Variants in CLCN3 observed in about 807,000 individuals in gnomAD.
CLCN3 encodes H(+)/Cl(-) exchange transporter 3.
In CLCN3, 16 loss-of-function variants were observed where a neutral mutation model predicts 83.4. The observed-to-expected ratio is 0.19, with a 90% CI of 0.13 to 0.29. The LOEUF is 0.29. Ranked by LOEUF, CLCN3 falls within the 10% of genes least tolerant of loss-of-function variation. CLCN3 has a pLI of 1.00. For missense variants in CLCN3, 544 were observed against 1,006.0 expected (o/e 0.54, Z 6.21); for synonymous variants, 322 against 346.2 (o/e 0.93, Z 0.78).
intron 1 of CLCN3, among the ~76,000 whole-genome samples, chr4:169,632,152 C>T (rs1201779487): frequency 1.3e-5 from 2 of 151,610 alleles, no homozygotes; most frequent in Non-Finnish European, 2.9e-5. Flanking sequence ...ATGTAAAAAC[C>T]TTCAACAAAA....
At chr4:169,636,223 A>G in intron 2 of CLCN3, 135 bp downstream of exon 2, 1 of 768,872 alleles carries the variant, frequency 1.3e-6, no homozygotes, top group Non-Finnish European at 2.0e-6. Context: ...AAACTTAACC[A>G]TTGTAAAGTG....
intron 2 of CLCN3, chr4:169,642,960 A>G (rs1007442257): frequency 3.3e-5 from 5 of 152,230 alleles, no homozygotes; most frequent in Non-Finnish European, 7.3e-5. Context: ...ATTTTAGACT[A>G]TCTTCGAATA....
At chr4:169,698,453 GGGT>G (rs1732653401) in intron 9 of CLCN3, among the ~76,000 whole-genome samples, 1 of 151,924 alleles carries the variant, frequency 6.6e-6, no homozygotes, top group Non-Finnish European at 1.5e-5. Flanking sequence ...TGGTTTTCTA[GGGT>G]GGTGGCCTCA....
intron 9 of CLCN3, among the ~76,000 whole-genome samples, chr4:169,701,080 A>G (rs1264217664): frequency 6.6e-6 from 1 of 152,210 alleles, no homozygotes; most frequent in African/African-American, 2.4e-5. Flanking sequence ...CATTTTACCT[A>G]CAGTAGACCT....
At chr4:169,632,986 G>A (rs901384231) in intron 1 of CLCN3, among the ~76,000 whole-genome samples, 1 of 152,062 alleles carries the variant, frequency 6.6e-6, no homozygotes, top group Non-Finnish European at 1.5e-5. Context: ...CCTTATTACT[G>A]GAAGTTTTCA....
chr4:169,631,895 C>T (rs1049143064), intron 1 of CLCN3, among the ~76,000 whole-genome samples: 1 of 152,092 alleles, frequency 6.6e-6, no homozygotes, highest in African/African-American at 2.4e-5. Context: ...CTGAACAGAC[C>T]AATATCGAGT....
rs902313459 is a variant in CLCN3 at position 169,722,622 on chromosome 4, T to C, written c.*2625T>C. The C allele has an allele frequency of 6.6e-6, 1 of 152,218 alleles. No homozygotes were observed. Among genetic ancestry groups the C allele is most frequent in the African/African-American group, 2.4e-5 (1 of 41,458 alleles). 9.4% of individuals were successfully genotyped at this position (152,218 alleles called of 1,614,324 possible). A position where few individuals can be genotyped will look rare whatever the true frequency, so the allele number is the denominator to read the frequency against. ...TGGAGTTTATTTTATCATATTTCCC[T>C]TTTTTATTTCTGCTCCTCCTTTAAT... On this transcript the variant is annotated 3_prime_UTR_variant, in exon 13 of 13. Transcript: ENST00000513761.
chr4:169,664,595 C>G (rs867013680), intron 2 of CLCN3, among the ~76,000 whole-genome samples: 2 of 152,124 alleles, frequency 1.3e-5, no homozygotes, highest in Non-Finnish European at 1.5e-5. Flanking sequence ...AAAGGAACAA[C>G]TAAAGATTCT....
intron 6 of CLCN3, among the ~76,000 whole-genome samples, chr4:169,691,603 A>C (rs1267100859): frequency 6.6e-6 from 1 of 152,102 alleles, no homozygotes; most frequent in Non-Finnish European, 1.5e-5. Context: ...TTGATCTTTA[A>C]GTTTGTATTA....
intron 2 of CLCN3, among the ~76,000 whole-genome samples, chr4:169,677,688 G>A (rs541844936): frequency 4.2e-4 from 64 of 152,228 alleles, no homozygotes; most frequent in African/African-American, 6.3e-4. Flanking sequence ...GTTAGCTTTC[G>A]CCTTCCCAAA....
chr4:169,671,610 T>TA (rs558542444), intron 2 of CLCN3, among the ~76,000 whole-genome samples: 9 of 151,482 alleles, frequency 5.9e-5, no homozygotes, highest in African/African-American at 1.9e-4. Flanking sequence ...AACTTAAATT[T>TA]AAAAAAAAAG....
chr4:169,656,156 A>G (rs1480875257), intron 2 of CLCN3, among the ~76,000 whole-genome samples: 3 of 152,056 alleles, frequency 2.0e-5, no homozygotes, highest in African/African-American at 7.2e-5. Context: ...CCAAATGTAA[A>G]CTTAAAGCAG....
At chr4:169,698,480 C>T (rs896328261) in intron 9 of CLCN3, among the ~76,000 whole-genome samples, 2 of 151,990 alleles carry the variant, frequency 1.3e-5, no homozygotes, top group Non-Finnish European at 2.9e-5. Flanking sequence ...AATTGGATTT[C>T]TTATATTATA....
chr4:169,688,152 G>A (rs1400913847), intron 4 of CLCN3, among the ~76,000 whole-genome samples: 2 of 152,222 alleles, frequency 1.3e-5, no homozygotes, highest in Admixed American at 1.3e-4. Flanking sequence ...TGTGGTACCA[G>A]TGCTGTCATT....
chr4:169,670,595 C>T (rs186495278), intron 2 of CLCN3, among the ~76,000 whole-genome samples: 104 of 152,218 alleles, frequency 6.8e-4, no homozygotes, highest in African/African-American at 1.3e-3. Flanking sequence ...CTTGGCCATA[C>T]GGGCTCTTTT....
At chr4:169,688,457 A>C (rs552494079) in intron 4 of CLCN3, among the ~76,000 whole-genome samples, 1 of 152,306 alleles carries the variant, frequency 6.6e-6, no homozygotes, top group East Asian at 1.9e-4. Context: ...TTTTGTGGAG[A>C]ATAAAGTACT....
intron 2 of CLCN3, among the ~76,000 whole-genome samples, chr4:169,661,621 GA>G (rs1292294045): frequency 6.6e-6 from 1 of 151,960 alleles, no homozygotes; most frequent in South Asian, 2.1e-4. Flanking sequence ...TACATTTTGA[GA>G]AAAGCTGTGT....
chr4:169,689,057 T>C lies in CLCN3; in HGVS notation c.433T>C (p.Leu145=). ...TGLASGALAG[L]IDIAADWMTD... ...TGTTTTTATAGGGGCACTGGCCGGA[T>C]TAATAGACATTGCTGCCGATTGGAT... Residue 145 remains leucine, a synonymous_variant, in exon 5 of 13, where the codon TTA becomes CTA. Coordinates refer to ENST00000513761, the MANE Select transcript of CLCN3 (RefSeq NM_001829.4). 1 of 1,612,922 alleles carries C rather than the reference T, an allele frequency of 6.2e-7. No individual in the cohort carries two copies. Among genetic ancestry groups the C allele is most frequent in the Non-Finnish European group, 8.5e-7 (1 of 1,179,652 alleles).
In CLCN3 at chr4:169,668,047, T is replaced by G. The variant is rs796522594; in HGVS notation, c.161-12003T>G. On this transcript the variant is annotated intron_variant, in intron 2 of 12. Transcript: ENST00000513761. ...AGCCACCGCGCCCGGCCAGACATTT[T>G]TTTTTTTTTTTTTTTTTTTGCTGTC... Among the ~76,000 whole-genome samples the G allele has an allele frequency of 2.8e-3, 296 of 104,438 alleles. 2 individuals are homozygous for G. Among genetic ancestry groups the G allele is most frequent in the Non-Finnish European group, 4.3e-3 (163 of 38,124 alleles). 68.5% of individuals were successfully genotyped at this position (104,438 alleles called of 152,430 possible). A position where few individuals can be genotyped will look rare whatever the true frequency, so the allele number is the denominator to read the frequency against.
Sources: allele counts gnomAD v4.1 joint callset (sites outside exome capture counted in the v4.1 genomes callset), GRCh38; gene constraint gnomAD v4.1.1; transcripts MANE v1.5; gene names NCBI Gene and HGNC (gene_info 2026-07-23, HGNC 2026-07-21).